SH3RF1: variants seen among roughly 807,000 people sequenced by gnomAD.
The protein encoded by SH3RF1 is SH3 domain containing ring finger 1.
Under a neutral mutation model 74.0 loss-of-function variants are expected in SH3RF1, and 32 were observed. The observed-to-expected ratio is 0.43, with a 90% CI of 0.33 to 0.58. The LOEUF (loss-of-function observed/expected upper bound fraction) is 0.58. Among genes scored for constraint, SH3RF1 ranks in the 20% least tolerant of loss-of-function variants. The probability of loss-of-function intolerance (pLI) is 0.05; values close to 1 mark genes in which losing one functional copy is unlikely to be tolerated. For synonymous variants in SH3RF1, 396 were observed against 439.6 expected (o/e 0.90, Z 1.24); for missense variants, 954 against 1,130.9 (o/e 0.84, Z 2.24).
chr4:169,115,566 C>T (rs928538130), intron 10 of SH3RF1, among the ~76,000 whole-genome samples: 1 of 152,148 alleles, frequency 6.6e-6, no homozygotes, highest in African/African-American at 2.4e-5. Context: ...AGAAAACAAA[C>T]TCAGGGCTCC....
At chr4:169,168,566 C>G (rs1734280884) in intron 2 of SH3RF1, among the ~76,000 whole-genome samples, 1 of 152,156 alleles carries the variant, frequency 6.6e-6, no homozygotes, top group Non-Finnish European at 1.5e-5. Context: ...GAGAGTAAGT[C>G]TGATTGGAAC....
intron 2 of SH3RF1, among the ~76,000 whole-genome samples, chr4:169,211,497 A>G (rs1038130559): frequency 6.6e-6 from 1 of 151,624 alleles, no homozygotes; most frequent in African/African-American, 2.4e-5. Flanking sequence ...AAAAAAAAAA[A>G]AAAGAAGAAG....
intron 10 of SH3RF1, among the ~76,000 whole-genome samples, chr4:169,110,911 C>T (rs1245089099): frequency 6.6e-6 from 1 of 152,170 alleles, no homozygotes; most frequent in African/African-American, 2.4e-5. Flanking sequence ...AATGGAAGCA[C>T]TTGGGTCGAT....
chr4:169,098,654 G>A (rs2126933296), intron 11 of SH3RF1, among the ~76,000 whole-genome samples: 1 of 152,286 alleles, frequency 6.6e-6, no homozygotes, highest in South Asian at 2.1e-4. Flanking sequence ...ATTCAAACAT[G>A]AATATTCATA....
At chr4:169,140,363 C>G (rs1402817894) in intron 4 of SH3RF1, among the ~76,000 whole-genome samples, 1 of 152,160 alleles carries the variant, frequency 6.6e-6, no homozygotes, top group Non-Finnish European at 1.5e-5. Flanking sequence ...TAGGAGTACA[C>G]TCATCACCTG....
chr4:169,111,020 T>C (rs1733234530), intron 10 of SH3RF1, among the ~76,000 whole-genome samples: 1 of 151,704 alleles, frequency 6.6e-6, no homozygotes, highest in Non-Finnish European at 1.5e-5. Flanking sequence ...AAAAATTTTT[T>C]TTTCAGACCA....
intron 2 of SH3RF1, among the ~76,000 whole-genome samples, chr4:169,231,255 A>C (rs563223970): frequency 1.3e-5 from 2 of 152,304 alleles, no homozygotes; most frequent in South Asian, 4.1e-4. Context: ...TGTTATCCCA[A>C]ATTTGTTACT....
At chr4:169,263,268 A>G (rs2110760896) in intron 2 of SH3RF1, among the ~76,000 whole-genome samples, 1 of 152,292 alleles carries the variant, frequency 6.6e-6, no homozygotes. Context: ...AACTACAAAA[A>G]AGAACCCCAT....
At chr4:169,131,005 C>T (rs1733610054) in intron 5 of SH3RF1, among the ~76,000 whole-genome samples, 2 of 152,110 alleles carry the variant, frequency 1.3e-5, no homozygotes, top group South Asian at 4.1e-4. Flanking sequence ...CCTAAGAAAA[C>T]AATAACCCAC....
chr4:169,261,291 T>C (rs1409160198), intron 2 of SH3RF1, among the ~76,000 whole-genome samples: 4 of 152,192 alleles, frequency 2.6e-5, no homozygotes, highest in African/African-American at 7.2e-5. Context: ...TCCACTGTCA[T>C]TGTAAAGGAG....
At chr4:169,130,709 C>A (rs796470515) in intron 5 of SH3RF1, among the ~76,000 whole-genome samples, 42 of 152,302 alleles carry the variant, frequency 2.8e-4, no homozygotes, top group African/African-American at 9.1e-4. Context: ...CTTATAAAAT[C>A]TTTAAAGGAA....
intron 2 of SH3RF1, among the ~76,000 whole-genome samples, chr4:169,222,256 G>C (rs1281396681): frequency 6.6e-6 from 1 of 152,100 alleles, no homozygotes; most frequent in African/African-American, 2.4e-5. Context: ...TTGAGATCGG[G>C]AGTTGGAGAT....
intron 2 of SH3RF1, among the ~76,000 whole-genome samples, chr4:169,199,475 T>C (rs894750202): frequency 6.6e-6 from 1 of 152,168 alleles, no homozygotes; most frequent in Non-Finnish European, 1.5e-5. Context: ...AAAAGGGGCA[T>C]GGATGAGGTC....
At chr4:169,130,651 T>G (rs1733604059) in intron 5 of SH3RF1, among the ~76,000 whole-genome samples, 1 of 152,240 alleles carries the variant, frequency 6.6e-6, no homozygotes, top group Admixed American at 6.5e-5. Flanking sequence ...TCGGTGGGGA[T>G]GCATAATTAA....
intron 2 of SH3RF1, among the ~76,000 whole-genome samples, chr4:169,176,760 C>T (rs917475828): frequency 4.6e-5 from 7 of 152,104 alleles, no homozygotes; most frequent in Non-Finnish European, 8.8e-5. Context: ...AGGCTGGTCT[C>T]GAACTCCCTG....
chr4:169,232,052 A>G (rs1187987523), intron 2 of SH3RF1, among the ~76,000 whole-genome samples: 1 of 152,226 alleles, frequency 6.6e-6, no homozygotes, highest in Admixed American at 6.5e-5. Flanking sequence ...TTAGGTAGAC[A>G]GGTACTGCAG....
rs368721358 is a variant in SH3RF1 at position 169,117,724 on chromosome 4, G to A, written c.1576C>T (p.Arg526Trp). The A allele has an allele frequency of 2.0e-5, 32 of 1,614,154 alleles. 1 individual carries two copies. In the Middle Eastern group the frequency reaches 4.9e-4, roughly 25 times the overall value. The change falls in exon 9 of 12, where the codon CGG becomes TGG. Residue 526 changes from arginine to tryptophan, a missense_variant. Coordinates refer to ENST00000284637, the MANE Select transcript of SH3RF1 (RefSeq NM_020870.4). ...VPMSTAGQTS[R>W]GVTMVSPSTA... ...GAAGGACTGACCATGGTCACTCCCC[G>A]ACTTGTCTGGCCAGCTGTAGACATA...
intron 2 of SH3RF1, among the ~76,000 whole-genome samples, chr4:169,177,472 T>C (rs961483372): frequency 6.6e-6 from 1 of 152,172 alleles, no homozygotes; most frequent in Non-Finnish European, 1.5e-5. Flanking sequence ...AAAGTAAGCA[T>C]TGAAATTATC....
intron 2 of SH3RF1, among the ~76,000 whole-genome samples, chr4:169,207,739 A>G (rs895820965): frequency 1.7e-4 from 26 of 152,342 alleles, no homozygotes; most frequent in African/African-American, 6.3e-4. Context: ...ATCTACATCT[A>G]CGTAAGACAC....
Sources: gnomAD v4.1 joint callset for allele counts (sites outside exome capture counted in the v4.1 genomes callset) on GRCh38, gnomAD v4.1.1 for gene constraint, MANE v1.5 for transcripts, NCBI Gene and HGNC (gene_info 2026-07-23, HGNC 2026-07-21) for gene names.